The following CRNKL1 variants were observed in gnomAD, a reference collection of about 807,000 sequenced individuals.
CRNKL1 encodes crooked neck-like protein 1.
CRNKL1 carries 35 observed loss-of-function variants against 103.7 expected under a neutral mutation model. The observed-to-expected ratio is 0.34, with a 90% CI of 0.26 to 0.45. The LOEUF (loss-of-function observed/expected upper bound fraction) is 0.45, where lower values mean the gene tolerates loss of function less well. CRNKL1 is among the 20% of genes least tolerant of loss of function. CRNKL1 has a pLI of 1.00. For synonymous variants in CRNKL1, 267 were observed against 282.6 expected, an observed-to-expected ratio of 0.94 and a Z score of 0.55; for missense variants, 645 against 836.0, an observed-to-expected ratio of 0.77 and a Z score of 2.82.
upstream of CRNKL1, among the ~76,000 whole-genome samples, chr20:20,053,526 A>G (rs2043947550): frequency 6.6e-6 from 1 of 152,216 alleles, no homozygotes; most frequent in South Asian, 2.1e-4. Flanking sequence ...TTGGCAGCTC[A>G]TTTGTTAGGA....
chr20:20,049,178 C>A (rs1442709549), intron 3 of CRNKL1, among the ~76,000 whole-genome samples, 162 bp downstream of exon 3: 2 of 150,864 alleles, frequency 1.3e-5, no homozygotes, highest in Non-Finnish European at 3.0e-5. Flanking sequence ...CCCAGTACTC[C>A]TGAGGCCCTC....
At chr20:20,044,962 T>C (rs1351436857) in intron 6 of CRNKL1, among the ~76,000 whole-genome samples, 1 of 152,348 alleles carries the variant, frequency 6.6e-6, no homozygotes, top group South Asian at 2.1e-4. Context: ...AAATGTTTTC[T>C]GTTCTAGGGC....
In CRNKL1 at chr20:20,052,386, G is replaced by A. The variant is rs760886113; in HGVS notation, c.-44C>T. 6.8e-6 allele frequency: 11 copies of A among 1,614,088 alleles called. No homozygotes were observed. In the South Asian group the frequency reaches 1.1e-4, roughly 16 times the overall value. On this transcript the variant is annotated 5_prime_UTR_variant, in exon 1 of 14. Coordinates refer to ENST00000536226, the MANE Select transcript of CRNKL1 (RefSeq NM_001278628.2). ...CTGGACACCTGTCCCCGGCACGGAC[G>A]CTAGAAATCGGCTCTGAGAGCTCAC...
intron 13 of CRNKL1, 76 bp downstream of exon 13, chr20:20,037,247 A>G (rs934167423): frequency 6.5e-6 from 10 of 1,527,238 alleles, no homozygotes; most frequent in Non-Finnish European, 7.9e-6. Context: ...ATGCCACTTA[A>G]AAGTCCACAT....
At chr20:20,042,787 G>C (rs768671132) in intron 7 of CRNKL1, among the ~76,000 whole-genome samples, 23 of 152,194 alleles carry the variant, frequency 1.5e-4, no homozygotes, top group Non-Finnish European at 2.4e-4. Context: ...TCAATAATTA[G>C]ATGCCTATTC....
intron 7 of CRNKL1, among the ~76,000 whole-genome samples, 196 bp from the exon 8 acceptor site, chr20:20,042,712 T>C (rs141945378): frequency 6.6e-5 from 10 of 152,364 alleles, no homozygotes; most frequent in African/African-American, 1.9e-4. Context: ...ATACAGAGGA[T>C]AGATTACTGG....
chr20:20,041,688 G>T, intron 8 of CRNKL1, 63 bp from the exon 9 acceptor site: 1 of 1,238,028 alleles, frequency 8.1e-7, no homozygotes, highest in Non-Finnish European at 1.2e-6. Context: ...CATTTTACTA[G>T]TTACTAATTT....
Position 20,040,883 on chromosome 20 carries a change from A to G in CRNKL1, c.1225-117T>C, listed in dbSNP as rs576463343. Reference sequence around the variant, plus strand: ...TAATTCGATTTCTCTAAAACTTCAGAGTAAGAGGAATGTACTCTGCTTATT... The same window carrying G: ...TAATTCGATTTCTCTAAAACTTCAGGGTAAGAGGAATGTACTCTGCTTATT... On this transcript the variant is annotated intron_variant, in intron 9 of 13. Coordinates refer to ENST00000536226, the MANE Select transcript of CRNKL1 (RefSeq NM_001278628.2). The G allele has an allele frequency of 9.9e-6, 7 of 705,662 alleles. No individual in the cohort carries two copies. In the African/African-American group the frequency reaches 1.1e-4, roughly 11 times the overall value. 43.7% of individuals were successfully genotyped at this position (705,662 alleles called of 1,614,324 possible). A position where few individuals can be genotyped will look rare whatever the true frequency, so the allele number is the denominator to read the frequency against.
At position 20,037,571 on chromosome 20, in the gene CRNKL1, C is replaced by T; in HGVS notation, c.1648G>A (p.Val550Ile). 6.2e-7 allele frequency: 1 copy of T among 1,609,726 alleles called. No homozygotes were observed. The highest frequency in any genetic ancestry group is 8.5e-7 in the Non-Finnish European group (1 of 1,178,732). The part of the protein sequence containing the change: ...RLLQRTQHVK[V>I]WISFAQFELS... ...TCAAACTGAGCAAAGCTGATCCATA[C>T]CTTTAAAAAAAGTTATTATTGAACC... is the stretch of plus-strand genomic sequence containing the variant. Residue 550 changes from valine (V) to isoleucine (I), a missense_variant and splice_region_variant, in exon 13 of 14, where the codon GTA becomes ATA. This residue lies in a region of CRNKL1 where 582 missense variants were observed against 707.7 expected (regional missense o/e 0.82). Transcript: ENST00000536226.
At chr20:20,054,947 G>C (rs2044187948), upstream of CRNKL1, among the ~76,000 whole-genome samples, 1 of 151,922 alleles carries the variant, frequency 6.6e-6, no homozygotes, top group South Asian at 2.1e-4. Flanking sequence ...TATTCCTTTT[G>C]GAATTCCCAT....
rs371453040 is a variant in CRNKL1 at position 20,050,488 on chromosome 20, A to G, written c.186T>C (p.Tyr62=). 14 of 1,613,440 alleles carry G rather than the reference A, an allele frequency of 8.7e-6. No homozygotes were observed. The African/African-American group carries it at 1.7e-4, about 20-fold the overall frequency. ...KITDEEELND[Y]KLRKRKTFED... ...GACTGACCTTCCTTTTCCTTAGTTT[A>G]TAATCATTTAATTCTTCTTCATCTG... Residue 62 remains tyrosine, a synonymous_variant, in exon 2 of 14, where the codon TAT becomes TAC. Coordinates refer to ENST00000536226, the MANE Select transcript of CRNKL1 (RefSeq NM_001278628.2).
rs2043526923 is a variant in CRNKL1 at position 20,042,333 on chromosome 20, C to T, written c.1156G>A (p.Glu386Lys). ...TAATTCTGTTTTTTCACCTTTGCCT[C>T]CAATTCTTCATAGAGTGCATAGTTG... The part of the protein sequence containing the change: ...WINYALYEEL[E>K]AKDPERTRQV... The change falls in exon 8 of 14, where the codon GAG (glutamate) becomes AAG (lysine). Residue 386 changes from glutamate to lysine, a missense_variant. By Grantham distance (56) the Glu-to-Lys change is moderately conservative. Coordinates refer to ENST00000536226, the MANE Select transcript of CRNKL1 (RefSeq NM_001278628.2). 5 of 1,585,886 alleles carry T rather than the reference C, an allele frequency of 3.2e-6. No homozygotes were observed. The highest frequency in any genetic ancestry group is 4.3e-6 in the Non-Finnish European group (5 of 1,167,320).
At chr20:20,037,301 AG>A in intron 13 of CRNKL1, 21 bp downstream of exon 13, 1 of 1,604,366 alleles carries the variant, frequency 6.2e-7, no homozygotes, top group Non-Finnish European at 8.5e-7. Flanking sequence ...TGAGATGAAC[AG>A]TCCCAGGGCA....
chr20:20,048,006 T>C, intron 4 of CRNKL1, 75 bp from the exon 5 acceptor site: 1 of 1,466,108 alleles, frequency 6.8e-7, no homozygotes, highest in Non-Finnish European at 9.3e-7. Context: ...GATTGAAGAT[T>C]TTACCTTTCT....
upstream of CRNKL1, among the ~76,000 whole-genome samples, chr20:20,054,013 G>GGT (rs2044033109): frequency 3.4e-5 from 2 of 59,106 alleles, no homozygotes; most frequent in East Asian, 1.0e-3. Flanking sequence ...TTTTTTGTTT[G>GGT]TTTTTTTTTT....
At chr20:20,048,090 TTTTTTTTCTTAAAA>T (rs2043623798) in intron 4 of CRNKL1, among the ~76,000 whole-genome samples, 159 bp from the exon 5 acceptor site, 2 of 152,194 alleles carry the variant, frequency 1.3e-5, no homozygotes, top group African/African-American at 4.8e-5. Flanking sequence ...AAAAAAAGAT[TTTTTTTTCTTAAAA>T]GTTGCCTAGT....
upstream of CRNKL1, among the ~76,000 whole-genome samples, chr20:20,054,184 T>A (rs528947339): frequency 6.6e-6 from 1 of 152,108 alleles, no homozygotes; most frequent in Non-Finnish European, 1.5e-5. Context: ...CCTAGTTCTT[T>A]CTACAAGATT....
chr20:20,041,522 G>A, intron 9 of CRNKL1, 44 bp downstream of exon 9: 1 of 1,414,712 alleles, frequency 7.1e-7, no homozygotes, highest in Non-Finnish European at 1.0e-6. Flanking sequence ...TAACAGAAGA[G>A]GATTCTGACC....
intron 5 of CRNKL1, among the ~76,000 whole-genome samples, chr20:20,045,943 A>G (rs963188149): frequency 6.6e-6 from 1 of 152,254 alleles, no homozygotes; most frequent in Non-Finnish European, 1.5e-5. Flanking sequence ...TAAGCGGTCA[A>G]TAATGGTCTG....
Sources: allele counts gnomAD v4.1 joint callset (sites outside exome capture counted in the v4.1 genomes callset), GRCh38; gene constraint gnomAD v4.1.1; regional missense constraint gnomAD v4.1.1; transcripts MANE v1.5; gene names NCBI Gene and HGNC (gene_info 2026-07-23, HGNC 2026-07-21).